The following FIGN variants were observed in gnomAD, a reference collection of about 807,000 sequenced individuals.
FIGN encodes fidgetin.
Under a neutral mutation model 51.3 loss-of-function variants are expected in FIGN, and 11 were observed. The ratio of observed to expected loss-of-function variants is 0.21; its 90% CI spans 0.13 to 0.35. The LOEUF (loss-of-function observed/expected upper bound fraction) is 0.35, where lower values mean the gene tolerates loss of function less well. Among genes scored for constraint, FIGN ranks in the 10% least tolerant of loss-of-function variants. The pLI, the probability that FIGN is intolerant of heterozygous loss-of-function variation, is 1.00. For missense variants in FIGN, 857 were observed against 943.6 expected (o/e 0.91, Z 1.20); for synonymous variants, 407 against 363.2 (o/e 1.12, Z -1.37).
intron 2 of FIGN, among the ~76,000 whole-genome samples, chr2:163,729,995 C>T (rs1316256339): frequency 6.6e-6 from 1 of 152,146 alleles, no homozygotes; most frequent in Non-Finnish European, 1.5e-5. Context: ...TTTCTGATCA[C>T]CTATCTTTTC....
chr2:163,645,703 G>C (rs1485263259), intron 2 of FIGN, among the ~76,000 whole-genome samples: 1 of 152,136 alleles, frequency 6.6e-6, no homozygotes, highest in Non-Finnish European at 1.5e-5. Flanking sequence ...TTCCATAAAG[G>C]AGTATGGCCT....
At position 163,669,264 on chromosome 2, in the gene FIGN, G is replaced by A. The variant is rs79854466; in HGVS notation, c.26-57458C>T. Among the ~76,000 whole-genome samples, 405 of 152,196 alleles carry A rather than the reference G, an allele frequency of 2.7e-3. 1 individual carries two copies. Among genetic ancestry groups the A allele is most frequent in the African/African-American group, 9.4e-3 (391 of 41,528 alleles). On this transcript the variant is annotated intron_variant, in intron 2 of 2. Transcript: ENST00000333129. ...CTCACTCAGTCGCCCAGGCTGGTGT[G>A]CAGTGGCCCAATTACAACTCACTGC...
In FIGN at chr2:163,609,905, A is replaced by C; in HGVS notation, c.1927T>G (p.Tyr643Asp). 2 of 1,614,040 alleles carry C rather than the reference A, an allele frequency of 1.2e-6. No individual in the cohort carries two copies. Among genetic ancestry groups the C allele is most frequent in the Non-Finnish European group, 1.7e-6 (2 of 1,180,028 alleles). ...PEEIDESLRR[Y>D]FMKRLLIPLP... ...GGGATTAAAAGTCGTTTCATGAAGT[A>C]CCTCCGAAGGGATTCATCTATTTCT... The change falls in exon 3 of 3, where the codon TAC (tyrosine) becomes GAC (aspartate). Residue 643 changes from tyrosine (Y) to aspartate (D), a missense_variant. Tyr to Asp is a radical substitution (Grantham distance 160, BLOSUM62 -3). Around this residue, in one of 3 missense-constraint regions of FIGN, gnomAD observed 799 missense variants for 849.5 expected, o/e 0.94. Transcript: ENST00000333129.
chr2:163,612,600 A>T (rs1338125559), intron 2 of FIGN: 2 of 984,754 alleles, frequency 2.0e-6, no homozygotes, highest in Admixed American at 6.2e-5. Context: ...AAAAAAAACA[A>T]GCATCACTTG....
intron 2 of FIGN, among the ~76,000 whole-genome samples, chr2:163,662,765 C>G (rs1273386663): frequency 6.6e-6 from 1 of 152,200 alleles, no homozygotes; most frequent in Admixed American, 6.5e-5. Context: ...CCCCTGTTGT[C>G]AGAGGGACCT....
At chr2:163,650,723 T>C (rs1683460411) in intron 2 of FIGN, among the ~76,000 whole-genome samples, 1 of 152,182 alleles carries the variant, frequency 6.6e-6, no homozygotes, top group Admixed American at 6.5e-5. Context: ...TAAGGAGGCA[T>C]GGAAAGCTGA....
chr2:163,664,889 T>C (rs1573936399), intron 2 of FIGN, among the ~76,000 whole-genome samples: 1 of 152,348 alleles, frequency 6.6e-6, no homozygotes, highest in East Asian at 1.9e-4. Flanking sequence ...GGTCTGTTGA[T>C]ATTTACATGA....
At chr2:163,639,604 T>C (rs1340032108) in intron 2 of FIGN, among the ~76,000 whole-genome samples, 1 of 152,160 alleles carries the variant, frequency 6.6e-6, no homozygotes, top group Non-Finnish European at 1.5e-5. Context: ...TATTTGGATA[T>C]ACATTTCCAA....
intron 2 of FIGN, among the ~76,000 whole-genome samples, chr2:163,661,829 C>T (rs1008007154): frequency 6.6e-6 from 1 of 152,112 alleles, no homozygotes; most frequent in Non-Finnish European, 1.5e-5. Flanking sequence ...GTAAGAAGTG[C>T]CTTTCGCCTC....
At chr2:163,731,222 T>C (rs1202055813) in intron 2 of FIGN, among the ~76,000 whole-genome samples, 1 of 152,128 alleles carries the variant, frequency 6.6e-6, no homozygotes, top group Non-Finnish European at 1.5e-5. Flanking sequence ...CCTATGAATG[T>C]CCTGAGTAAG....
intron 2 of FIGN, among the ~76,000 whole-genome samples, chr2:163,732,761 G>C (rs1189488070): frequency 6.6e-6 from 1 of 152,096 alleles, no homozygotes; most frequent in African/African-American, 2.4e-5. Context: ...TTAAATTTAG[G>C]ATCAAAAACA....
At chr2:163,678,048 A>T (rs752180166) in intron 2 of FIGN, among the ~76,000 whole-genome samples, 19 of 152,228 alleles carry the variant, frequency 1.2e-4, no homozygotes, top group Non-Finnish European at 2.5e-4. Context: ...TTAACATCTT[A>T]CATTACTTCA....
At chr2:163,662,927 T>A (rs1019771776) in intron 2 of FIGN, among the ~76,000 whole-genome samples, 1 of 152,236 alleles carries the variant, frequency 6.6e-6, no homozygotes, top group Non-Finnish European at 1.5e-5. Context: ...ACATAAGAAG[T>A]GACTTTCACC....
Position 163,670,777 on chromosome 2 carries a change from A to T in FIGN, c.26-58971T>A, listed in dbSNP as rs1360996700. Among the ~76,000 whole-genome samples the T allele has an allele frequency of 2.0e-5, 3 of 152,218 alleles. No individual in the cohort carries two copies. In the East Asian group the frequency reaches 5.8e-4, roughly 29 times the overall value. Reference sequence around the variant, plus strand: ...TTGTAATGAATGAAGTATTCTCAGCAATTTAATATCTTCCTCAAAATACAT... The same window carrying T: ...TTGTAATGAATGAAGTATTCTCAGCTATTTAATATCTTCCTCAAAATACAT... On this transcript the variant is annotated intron_variant, in intron 2 of 2. Coordinates refer to ENST00000333129, the MANE Select transcript of FIGN (RefSeq NM_018086.4).
At chr2:163,613,769 A>T (rs546947174) in intron 2 of FIGN, among the ~76,000 whole-genome samples, 1 of 152,354 alleles carries the variant, frequency 6.6e-6, no homozygotes, top group South Asian at 2.1e-4. Flanking sequence ...AAATGAATAA[A>T]GCAACAGGAT....
At chr2:163,683,886 TG>T (rs1480376080) in intron 2 of FIGN, among the ~76,000 whole-genome samples, 1 of 152,180 alleles carries the variant, frequency 6.6e-6, no homozygotes, top group South Asian at 2.1e-4. Flanking sequence ...TTATTAAGGT[TG>T]TTTTTTTTCA....
Position 163,708,727 on chromosome 2 carries a change from A to C in FIGN, c.25+26176T>G, listed in dbSNP as rs192523255. Among the ~76,000 whole-genome samples, 13 of 152,258 alleles carry C rather than the reference A, an allele frequency of 8.5e-5. No homozygotes were observed. The East Asian group carries it at 2.5e-3, about 29-fold the overall frequency. Reference sequence around the variant, plus strand: ...GAGAATCCTGCTAGATGGGGGCAGGAGTGGACGGTGCTGAGGTTTGGAGGG... The same window carrying C: ...GAGAATCCTGCTAGATGGGGGCAGGCGTGGACGGTGCTGAGGTTTGGAGGG... On this transcript the variant is annotated intron_variant, in intron 2 of 2. Transcript: ENST00000333129.
intron 2 of FIGN, among the ~76,000 whole-genome samples, chr2:163,659,793 A>G (rs1017766220): frequency 2.0e-5 from 3 of 152,230 alleles, no homozygotes; most frequent in Non-Finnish European, 2.9e-5. Flanking sequence ...GATTGTCACC[A>G]AAACATGTGG....
chr2:163,710,936 A>C (rs1331046114), intron 2 of FIGN, among the ~76,000 whole-genome samples: 1 of 152,208 alleles, frequency 6.6e-6, no homozygotes, highest in Non-Finnish European at 1.5e-5. Context: ...GACTGCAAAG[A>C]ACCATTCATT....
Sources: allele counts gnomAD v4.1 joint callset (sites outside exome capture counted in the v4.1 genomes callset), GRCh38; gene constraint gnomAD v4.1.1; regional missense constraint gnomAD v4.1.1; transcripts MANE v1.5; gene names NCBI Gene and HGNC (gene_info 2026-07-23, HGNC 2026-07-21).